The following ABCB5 variants were observed in gnomAD, a reference collection of about 807,000 sequenced individuals.
The protein encoded by ABCB5 is ATP binding cassette subfamily B member 5, also known as ATP-binding cassette sub-family B member 5.
In ABCB5, 155 loss-of-function variants were observed where a neutral mutation model predicts 144.2. The observed-to-expected ratio is 1.08, with a 90% CI of 0.94 to 1.23. The LOEUF (loss-of-function observed/expected upper bound fraction) is 1.23, where lower values mean the gene tolerates loss of function less well. ABCB5 is among the 50% of genes most tolerant of loss of function. The probability of loss-of-function intolerance (pLI) is 0.00; values close to 1 mark genes in which losing one functional copy is unlikely to be tolerated. For synonymous variants in ABCB5, 610 were observed against 528.6 expected (o/e 1.15, Z -2.11); for missense variants, 1,830 against 1,520.8 (o/e 1.20, Z -3.38).
In ABCB5 at chr7:20,659,648, C is replaced by T. The variant is rs1448570200; in HGVS notation, c.1707+972C>T. ...TTCGGCAATTTGGTTCATCTTGGTA[C>T]AGAAAATACAAAGACAGGACTAATA... is the stretch of plus-strand genomic sequence containing the variant. On this transcript the variant is annotated intron_variant, in intron 14 of 27. Transcript: ENST00000404938. 6.1e-6 allele frequency: 6 copies of T among 988,184 alleles called. No individual in the cohort carries two copies. The African/African-American group carries it at 8.7e-5, about 14-fold the overall frequency. 61.2% of individuals were successfully genotyped at this position (988,184 alleles called of 1,614,324 possible).
chr7:20,629,145 CGTGTGTGTGTGTGTGTGT>C (rs149986314), intron 4 of ABCB5, among the ~76,000 whole-genome samples: 3 of 135,056 alleles, frequency 2.2e-5, no homozygotes, highest in African/African-American at 5.6e-5. Flanking sequence ...AGAGAGACTG[CGTGTGTGTGTGTGTGTGT>C]GTGTGTGTGT....
At chr7:20,702,479 C>G (rs920622858) in intron 19 of ABCB5, among the ~76,000 whole-genome samples, 1 of 151,798 alleles carries the variant, frequency 6.6e-6, no homozygotes, top group Non-Finnish European at 1.5e-5. Flanking sequence ...GATGGCAGGC[C>G]GAACAAAATA....
rs1057377951 is a variant in ABCB5 at position 20,698,395 on chromosome 7, T to G, written c.2011-12T>G. On this transcript the variant is annotated splice_polypyrimidine_tract_variant and intron_variant, in intron 16 of 27. Coordinates refer to ENST00000404938, the MANE Select transcript of ABCB5 (RefSeq NM_001163941.2). Reference sequence around the variant, plus strand: ...CAAACTGGCATTTTTAACCAACATATTTTATTTTTAGATAAGTCTTCCTGA... The same window carrying G: ...CAAACTGGCATTTTTAACCAACATAGTTTATTTTTAGATAAGTCTTCCTGA... 6.4e-7 allele frequency: 1 copy of G among 1,555,786 alleles called. No homozygotes were observed. The highest frequency in any genetic ancestry group is 8.6e-7 in the Non-Finnish European group (1 of 1,157,036).
intron 1 of ABCB5, among the ~76,000 whole-genome samples, chr7:20,622,813 T>G (rs1783827355): frequency 6.6e-6 from 1 of 152,176 alleles, no homozygotes; most frequent in Non-Finnish European, 1.5e-5. Context: ...AAACTTTGTT[T>G]GTTTCGTAAA....
intron 20 of ABCB5, among the ~76,000 whole-genome samples, chr7:20,709,296 A>G (rs1197671916): frequency 6.7e-6 from 1 of 149,856 alleles, no homozygotes; most frequent in Non-Finnish European, 1.5e-5. Flanking sequence ...TCATTTTCAT[A>G]TTTTAGTTTT....
At chr7:20,675,631 C>T (rs1046801133) in intron 14 of ABCB5, among the ~76,000 whole-genome samples, 1 of 151,486 alleles carries the variant, frequency 6.6e-6, no homozygotes, top group Non-Finnish European at 1.5e-5. Context: ...GCCAAAAACA[C>T]AAACAACAAA....
intron 19 of ABCB5, among the ~76,000 whole-genome samples, chr7:20,701,128 A>G (rs2128043552): frequency 6.6e-6 from 1 of 152,320 alleles, no homozygotes; most frequent in Non-Finnish European, 1.5e-5. Context: ...CTTGTTCCAC[A>G]TTTGGAGACA....
At chr7:20,628,091 G>A (rs1783948576) in intron 3 of ABCB5, among the ~76,000 whole-genome samples, 1 of 152,130 alleles carries the variant, frequency 6.6e-6, no homozygotes, top group Non-Finnish European at 1.5e-5. Context: ...CATGTGCCAT[G>A]TTGGTTTGCT....
rs545088503 is a variant in ABCB5 at position 20,687,577 on chromosome 7, C to G, written c.2010+1741C>G. Among the ~76,000 whole-genome samples, 5 of 152,256 alleles carry G rather than the reference C, an allele frequency of 3.3e-5. No homozygotes were observed. The East Asian group carries it at 9.7e-4, about 29-fold the overall frequency. On this transcript the variant is annotated intron_variant, in intron 16 of 27. Transcript: ENST00000404938. Reference sequence around the variant, plus strand: ...CCTGGAGCTAAAGTTTATAGAAATCCGTGAGCCTGGGGAAGCAGGAAACAG... The same window carrying G: ...CCTGGAGCTAAAGTTTATAGAAATCGGTGAGCCTGGGGAAGCAGGAAACAG...
chr7:20,640,653 G>A (rs1367924764), intron 5 of ABCB5, among the ~76,000 whole-genome samples: 1 of 152,202 alleles, frequency 6.6e-6, no homozygotes, highest in Admixed American at 6.5e-5. Flanking sequence ...CAAGAAGGCA[G>A]AGTACGTGTG....
rs1376453681 is a variant in ABCB5, at chr7:20,698,490, T to A, written c.2094T>A (p.Ala698=). ...EWPFVVLGTL[A]SVLNGTVHPV... ...CTTTTGTGGTTCTGGGGACATTGGCTTCTGTTCTAAATGGAACTGTTCATC... is the reference window on the plus strand; with the variant it reads ...CTTTTGTGGTTCTGGGGACATTGGCATCTGTTCTAAATGGAACTGTTCATC... Residue 698 remains alanine (A), a synonymous_variant, in exon 17 of 28, where the codon GCT becomes GCA. Coordinates refer to ENST00000404938, the MANE Select transcript of ABCB5 (RefSeq NM_001163941.2). 1 of 1,606,438 alleles carries A rather than the reference T, an allele frequency of 6.2e-7. No individual in the cohort carries two copies.
intron 16 of ABCB5, among the ~76,000 whole-genome samples, chr7:20,689,828 G>C (rs532686680): frequency 6.6e-6 from 1 of 152,188 alleles, no homozygotes; most frequent in Non-Finnish European, 1.5e-5. Context: ...GCAAAAAAGT[G>C]AATTTGAACC....
chr7:20,631,599 A>G (rs1389640508), intron 4 of ABCB5, among the ~76,000 whole-genome samples: 1 of 152,134 alleles, frequency 6.6e-6, no homozygotes, highest in Non-Finnish European at 1.5e-5. Flanking sequence ...TGTTATTTAT[A>G]CTCAACATGT....
At chr7:20,650,234 T>C in intron 12 of ABCB5, 87 bp downstream of exon 12, 2 of 1,511,380 alleles carry the variant, frequency 1.3e-6, no homozygotes, top group Non-Finnish European at 1.8e-6. Flanking sequence ...CTTTTCATTT[T>C]CAACAGTAGA....
chr7:20,644,756 A>T (rs1474031322), intron 7 of ABCB5, among the ~76,000 whole-genome samples: 1 of 152,230 alleles, frequency 6.6e-6, no homozygotes, highest in Non-Finnish European at 1.5e-5. Context: ...TTTATTTACT[A>T]ACAATATAGT....
At chr7:20,754,678 T>C (rs1481011670) in intron 27 of ABCB5, among the ~76,000 whole-genome samples, 3 of 152,146 alleles carry the variant, frequency 2.0e-5, no homozygotes, top group African/African-American at 7.2e-5. Flanking sequence ...ATTAGATAAA[T>C]AAATTAGACA....
intron 14 of ABCB5, among the ~76,000 whole-genome samples, chr7:20,664,642 G>C (rs953627123): frequency 1.3e-5 from 2 of 152,074 alleles, no homozygotes; most frequent in Admixed American, 1.3e-4. Flanking sequence ...AATAAAAATA[G>C]GTAAGCTATT....
intron 14 of ABCB5, among the ~76,000 whole-genome samples, chr7:20,681,064 CTTTCTTTCTT>C (rs1189704080): frequency 9.8e-5 from 1 of 10,210 alleles, no homozygotes. Context: ...CTCTCTCTTT[CTTTCTTTCTT>C]TCTTTCTTTC....
intron 24 of ABCB5, among the ~76,000 whole-genome samples, chr7:20,741,305 G>A (rs1235133170): frequency 6.6e-6 from 1 of 151,854 alleles, no homozygotes; most frequent in African/African-American, 2.4e-5. Flanking sequence ...GAATACCTCT[G>A]TGAGCTATTA....
Sources: allele counts gnomAD v4.1 joint callset (sites outside exome capture counted in the v4.1 genomes callset), GRCh38; gene constraint gnomAD v4.1.1; transcripts MANE v1.5; gene names NCBI Gene and HGNC (gene_info 2026-07-23, HGNC 2026-07-21).